The following ANK3 variants were observed in gnomAD, a reference collection of about 807,000 sequenced individuals.
ANK3 encodes ankyrin-3.
A neutral mutation model predicts 370.9 loss-of-function variants in ANK3; 57 were observed. The observed-to-expected ratio is 0.15, with a 90% CI of 0.12 to 0.19. The LOEUF (loss-of-function observed/expected upper bound fraction) is 0.19. Among genes scored for constraint, ANK3 ranks in the 10% least tolerant of loss-of-function variants. The probability of loss-of-function intolerance (pLI) is 1.00; values close to 1 mark genes in which losing one functional copy is unlikely to be tolerated. For synonymous variants in ANK3, 1,929 were observed against 1,946.3 expected, an observed-to-expected ratio of 0.99 and a Z score of 0.23; for missense variants, 4,439 against 5,302.1, an observed-to-expected ratio of 0.84 and a Z score of 5.06.
At chr10:60,658,042 G>T (rs1169456684) in intron 1 of ANK3, among the ~76,000 whole-genome samples, 2 of 136,224 alleles carry the variant, frequency 1.5e-5, no homozygotes. Flanking sequence ...CTGTTTCCAT[G>T]GTGTATTATT....
chr10:60,107,096 A>G (rs1382107774), intron 27 of ANK3, among the ~76,000 whole-genome samples: 1 of 152,180 alleles, frequency 6.6e-6, no homozygotes, highest in African/African-American at 2.4e-5. Flanking sequence ...ATTTATTAGA[A>G]AAGCATTTGC....
chr10:60,409,127 A>T (rs1406328300), intron 2 of ANK3, among the ~76,000 whole-genome samples: 1 of 152,172 alleles, frequency 6.6e-6, no homozygotes, highest in Non-Finnish European at 1.5e-5. Flanking sequence ...AATAGCTAGC[A>T]CTGCAGTGAG....
At chr10:60,089,507 G>A (rs1397886974) in intron 28 of ANK3, among the ~76,000 whole-genome samples, 1 of 136,804 alleles carries the variant, frequency 7.3e-6, no homozygotes, top group East Asian at 2.1e-4. Flanking sequence ...GTGTGTGTGT[G>A]TATGTATGTG....
intron 2 of ANK3, among the ~76,000 whole-genome samples, chr10:60,614,143 G>T (rs1372847252): frequency 1.3e-5 from 2 of 152,020 alleles, no homozygotes; most frequent in African/African-American, 4.8e-5. Flanking sequence ...ATAACTAAAA[G>T]ACCATAGATA....
chr10:60,296,742 T>C (rs539458693), intron 1 of ANK3, among the ~76,000 whole-genome samples: 10 of 152,242 alleles, frequency 6.6e-5, no homozygotes, highest in South Asian at 4.2e-4. Flanking sequence ...TCCCAGCACT[T>C]TGGGAGGCTG....
At chr10:60,560,318 T>C (rs966303193) in intron 2 of ANK3, among the ~76,000 whole-genome samples, 1 of 152,108 alleles carries the variant, frequency 6.6e-6, no homozygotes, top group African/African-American at 2.4e-5. Flanking sequence ...TTCCCTAAAA[T>C]AGCAAAATTC....
chr10:60,191,258 T>C (rs1054528140), intron 16 of ANK3, among the ~76,000 whole-genome samples: 7 of 152,088 alleles, frequency 4.6e-5, no homozygotes, highest in Non-Finnish European at 8.8e-5. Flanking sequence ...ACTAAAAAGC[T>C]TCTGCATAGC....
intron 7 of ANK3, among the ~76,000 whole-genome samples, chr10:60,258,745 C>T (rs886297393): frequency 4.6e-5 from 7 of 152,194 alleles, no homozygotes; most frequent in Non-Finnish European, 1.0e-4. Flanking sequence ...GTCTACAGTG[C>T]TATAAAGAAC....
At chr10:60,648,319 A>AT (rs71018916) in intron 1 of ANK3, among the ~76,000 whole-genome samples, 84,345 of 127,238 alleles carry the variant, frequency 0.66, 28,368 homozygotes, top group South Asian at 0.81. Flanking sequence ...TGCCCGGCTA[A>AT]TTTTTTTTTT....
At chr10:60,406,590 C>A (rs2063460955) in intron 2 of ANK3, among the ~76,000 whole-genome samples, 1 of 152,174 alleles carries the variant, frequency 6.6e-6, no homozygotes, top group Non-Finnish European at 1.5e-5. Flanking sequence ...TGCTGGCTCA[C>A]CTCCTGCTGT....
chr10:60,633,655 G>A (rs77680212), intron 1 of ANK3, among the ~76,000 whole-genome samples: 13,169 of 152,156 alleles, frequency 0.087, 795 homozygotes, highest in Non-Finnish European at 0.12. Context: ...TAAAAAAATA[G>A]AGCTGGGCAG....
chr10:60,423,102 A>G (rs925117764), intron 2 of ANK3, among the ~76,000 whole-genome samples: 1 of 151,984 alleles, frequency 6.6e-6, no homozygotes, highest in Non-Finnish European at 1.5e-5. Context: ...ACCTCCAGAT[A>G]ATTTTAAAAG....
At chr10:60,080,177 C>T (rs2084844070) in intron 36 of ANK3, among the ~76,000 whole-genome samples, 3 of 152,078 alleles carry the variant, frequency 2.0e-5, no homozygotes, top group African/African-American at 7.2e-5. Context: ...ATTTTTCTAC[C>T]ATTCCAAATA....
intron 2 of ANK3, among the ~76,000 whole-genome samples, chr10:60,559,906 G>A (rs780886503): frequency 1.6e-4 from 25 of 152,116 alleles, no homozygotes; most frequent in Non-Finnish European, 4.4e-5. Context: ...AGCCAGGTAT[G>A]GTAGTGGGTG....
chr10:60,582,213 A>T (rs2077764344), intron 2 of ANK3, among the ~76,000 whole-genome samples: 1 of 152,074 alleles, frequency 6.6e-6, no homozygotes, highest in Non-Finnish European at 1.5e-5. Context: ...TGGCACATGT[A>T]TACCTATGTA....
chr10:60,290,558 C>G (rs1003435013), intron 1 of ANK3, among the ~76,000 whole-genome samples: 6 of 152,148 alleles, frequency 3.9e-5, no homozygotes, highest in Non-Finnish European at 8.8e-5. Flanking sequence ...TAATCACTGT[C>G]AAAACTAACT....
At chr10:60,124,255 G>T (rs910942555) in intron 25 of ANK3, among the ~76,000 whole-genome samples, 1 of 152,142 alleles carries the variant, frequency 6.6e-6, no homozygotes. Context: ...TCTGCCTCCT[G>T]GGTTCAAGCA....
intron 11 of ANK3, among the ~76,000 whole-genome samples, chr10:60,204,015 C>A (rs528314192): frequency 1.3e-5 from 2 of 152,074 alleles, no homozygotes; most frequent in South Asian, 2.1e-4. Flanking sequence ...AAAAAGCTAA[C>A]CTGTTTTTTA....
chr10:60,704,917 T>G (rs534556803), intron 1 of ANK3, among the ~76,000 whole-genome samples: 2 of 152,220 alleles, frequency 1.3e-5, no homozygotes, highest in Non-Finnish European at 2.9e-5. Context: ...ATTCTCTATA[T>G]GAATCAATAG....
Sources: gnomAD v4.1 joint callset for allele counts (sites outside exome capture counted in the v4.1 genomes callset) on GRCh38, gnomAD v4.1.1 for gene constraint, MANE v1.5 for transcripts, NCBI Gene and HGNC (gene_info 2026-07-23, HGNC 2026-07-21) for gene names.